CDHR3: variants seen among roughly 807,000 people sequenced by gnomAD.
CDHR3 encodes cadherin related family member 3, also known as cadherin-related family member 3.
CDHR3 carries 79 observed loss-of-function variants against 86.6 expected under a neutral mutation model. The observed-to-expected ratio is 0.91, with a 90% CI of 0.76 to 1.10. The LOEUF (loss-of-function observed/expected upper bound fraction) is 1.10, where lower values mean the gene tolerates loss of function less well. Among genes scored for constraint, CDHR3 ranks in the 50% least tolerant of loss-of-function variants. The pLI is 0.00. For synonymous variants in CDHR3, 421 were observed against 402.4 expected, an observed-to-expected ratio of 1.05 and a Z score of -0.55; for missense variants, 1,081 against 1,077.6, an observed-to-expected ratio of 1.00 and a Z score of -0.04.
chr7:106,004,712 T>C (rs779185404), intron 8 of CDHR3, 25 bp downstream of exon 8: 2 of 1,612,520 alleles, frequency 1.2e-6, no homozygotes, highest in South Asian at 2.2e-5. Flanking sequence ...AAAGTTGGGC[T>C]GGACATTCTA....
At position 106,032,667 on chromosome 7, in the gene CDHR3, G is replaced by T. The variant is rs762281447; in HGVS notation, c.2628G>T (p.Arg876Ser). The T allele has an allele frequency of 6.2e-6, 10 of 1,613,130 alleles. No homozygotes were observed. ...ACAGAAATCCAGCCTTCATGAACAG[G>T]GCTTACCCCAAACCACACCCAGGAA... ...PKNRNPAFMN[R>S]AYPKPHPGK Residue 876 changes from arginine (R) to serine (S), a missense_variant, in exon 19 of 19, where the codon AGG becomes AGT. Coordinates refer to ENST00000317716, the MANE Select transcript of CDHR3 (RefSeq NM_152750.5).
rs781771918 is a variant in CDHR3, at chr7:106,034,730, G to A, written c.*2033G>A. Reference sequence around the variant, plus strand: ...CTCTCAGCTTCAATGCAAGTAAAATGAGGTTCTGAGAAGGCTGAAGGGGGA... The same window carrying A: ...CTCTCAGCTTCAATGCAAGTAAAATAAGGTTCTGAGAAGGCTGAAGGGGGA... On this transcript the variant is annotated 3_prime_UTR_variant, in exon 19 of 19. Coordinates refer to ENST00000317716, the MANE Select transcript of CDHR3 (RefSeq NM_152750.5). Among the ~76,000 whole-genome samples the A allele has an allele frequency of 2.9e-4, 44 of 152,202 alleles. No individual in the cohort carries two copies. The highest frequency in any genetic ancestry group is 1.2e-4 in the Non-Finnish European group (8 of 68,024).
At chr7:105,968,484 C>T (rs1330847224) in intron 1 of CDHR3, among the ~76,000 whole-genome samples, 1 of 152,034 alleles carries the variant, frequency 6.6e-6, no homozygotes, top group East Asian at 1.9e-4. Context: ...CCTCAGCCTC[C>T]CAAGTAGCTG....
chr7:105,988,031 C>T (rs1830779354), intron 4 of CDHR3, among the ~76,000 whole-genome samples: 1 of 152,144 alleles, frequency 6.6e-6, no homozygotes, highest in Non-Finnish European at 1.5e-5. Context: ...GCTGGGACTA[C>T]AGGTGCCCGC....
intron 2 of CDHR3, among the ~76,000 whole-genome samples, chr7:105,977,474 G>A (rs995466915): frequency 3.9e-5 from 6 of 152,182 alleles, no homozygotes; most frequent in African/African-American, 1.4e-4. Flanking sequence ...CAAGTGTTTG[G>A]TGTATTGTCC....
At chr7:106,027,564 G>C in intron 16 of CDHR3, 1 of 390,548 alleles carries the variant, frequency 2.6e-6, no homozygotes, top group Non-Finnish European at 5.1e-6. Flanking sequence ...AGGTCCATCT[G>C]AGCAGCTCCA....
At chr7:105,980,407 T>A (rs1282854285) in intron 2 of CDHR3, among the ~76,000 whole-genome samples, 1 of 141,828 alleles carries the variant, frequency 7.1e-6, no homozygotes, top group Non-Finnish European at 1.6e-5. Context: ...AAGTTATGGT[T>A]CTATTTTTAT....
intron 1 of CDHR3, among the ~76,000 whole-genome samples, chr7:105,969,864 T>C (rs769151606): frequency 7.2e-5 from 11 of 152,146 alleles, no homozygotes; most frequent in Non-Finnish European, 1.6e-4. Flanking sequence ...GAGTCTTCTT[T>C]AGCAAAGGAA....
intron 8 of CDHR3, among the ~76,000 whole-genome samples, chr7:106,006,658 G>A (rs997371024): frequency 6.6e-6 from 1 of 152,330 alleles, no homozygotes; most frequent in Admixed American, 6.5e-5. Flanking sequence ...GCAAGAGGTG[G>A]GTTCCCATGA....
In CDHR3 at chr7:105,981,077, C is replaced by A; in HGVS notation, c.359C>A (p.Thr120Asn). 1 of 1,613,686 alleles carries A rather than the reference C, an allele frequency of 6.2e-7. No individual in the cohort carries two copies. The highest frequency in any genetic ancestry group is 8.5e-7 in the Non-Finnish European group (1 of 1,179,760). The stretch of plus-strand genomic sequence containing the variant: ...GGTGTCACAGACCTGCAAGTCCTGA[C>A]TGTCCAGGTAACAGATGTGAACGAG... ...EVGVTDLQVL[T>N]VQVTDVNEPP... Residue 120 changes from threonine to asparagine, a missense_variant, in exon 3 of 19, where the codon ACT (threonine) becomes AAT (asparagine). By Grantham distance (65) the Thr-to-Asn change is moderately conservative. Coordinates refer to ENST00000317716, the MANE Select transcript of CDHR3 (RefSeq NM_152750.5).
chr7:106,026,792 C>G, intron 16 of CDHR3, 97 bp downstream of exon 16: 1 of 1,276,066 alleles, frequency 7.8e-7, no homozygotes, highest in East Asian at 2.3e-5. Flanking sequence ...AGGCCGCGAT[C>G]ACATCTTGGA....
intron 4 of CDHR3, among the ~76,000 whole-genome samples, chr7:105,988,345 T>G (rs1830830824): frequency 6.6e-6 from 1 of 152,328 alleles, no homozygotes; most frequent in South Asian, 2.1e-4. Context: ...ACCATGTACT[T>G]CAAGAACCAC....
chr7:106,016,132 G>C (rs572478153), intron 11 of CDHR3, 107 bp downstream of exon 11: 1 of 678,294 alleles, frequency 1.5e-6, no homozygotes, highest in South Asian at 1.7e-5. Flanking sequence ...ATGCTGTTTT[G>C]CACAGTGATT....
chr7:106,015,057 C>T, intron 9 of CDHR3, 54 bp from the exon 10 acceptor site: 1 of 1,404,446 alleles, frequency 7.1e-7, no homozygotes, highest in Non-Finnish European at 9.8e-7. Flanking sequence ...CTCTCGCAGC[C>T]CAATAAATAG....
In CDHR3 at chr7:106,013,012, C is replaced by T. The variant is rs1486612271; in HGVS notation, c.1205C>T (p.Ala402Val). 6.2e-7 allele frequency: 1 copy of T among 1,607,208 alleles called. No homozygotes were observed. Residue 402 changes from alanine to valine, a missense_variant, in exon 9 of 19, where the codon GCT becomes GTT. Physicochemically the swap from Ala to Val is moderately conservative, Grantham distance 64. Coordinates refer to ENST00000317716, the MANE Select transcript of CDHR3 (RefSeq NM_152750.5). ...GSGSRFLQDP[A>V]GSGKIVLIGD... ...GGCAGCAGATTTTTACAGGATCCAGCTGGCTCTGGGAAGATTGTGGTCAGT... is the reference window on the plus strand; with the variant it reads ...GGCAGCAGATTTTTACAGGATCCAGTTGGCTCTGGGAAGATTGTGGTCAGT...
At chr7:106,019,867 C>A (rs1383776052) in intron 12 of CDHR3, among the ~76,000 whole-genome samples, 1 of 152,180 alleles carries the variant, frequency 6.6e-6, no homozygotes, top group Non-Finnish European at 1.5e-5. Context: ...GAAGTGGGCC[C>A]AAGAAAGCAG....
At position 106,004,652 on chromosome 7, in the gene CDHR3, C is replaced by G. The variant is rs761353969; in HGVS notation, c.1017C>G (p.Asn339Lys). The G allele has an allele frequency of 1.9e-6, 3 of 1,614,000 alleles. No homozygotes were observed. ...TAACCTTCATTGTGGAAGACGTCAA[C>G]GACAATCCTGCCACATGCCAAAAGT... ...IQITFIVEDVNDNPATCQKFT... is the reference protein window; with the variant it reads ...IQITFIVEDVKDNPATCQKFT... Residue 339 changes from asparagine to lysine, a missense_variant, in exon 8 of 19, where the codon AAC becomes AAG. Asn to Lys is a moderately conservative substitution (Grantham distance 94). Coordinates refer to ENST00000317716, the MANE Select transcript of CDHR3 (RefSeq NM_152750.5).
chr7:106,020,436 C>T lies in CDHR3; in HGVS notation c.1717C>T (p.Leu573=). 1 of 1,613,984 alleles carries T rather than the reference C, an allele frequency of 6.2e-7. No homozygotes were observed. Among genetic ancestry groups the T allele is most frequent in the East Asian group, 2.2e-5 (1 of 44,880 alleles). ...KPICTPNSYF[L]ALPVDLKVGT... ...AATTTGTACTCCAAACTCTTATTTC[C>T]TGGCCCTCCCAGTGGATCTGAAAGT... Residue 573 remains leucine (L), a synonymous_variant, in exon 13 of 19, where the codon CTG becomes TTG. Coordinates refer to ENST00000317716, the MANE Select transcript of CDHR3 (RefSeq NM_152750.5).
chr7:106,022,433 C>T lies in CDHR3; in HGVS notation c.2061C>T (p.Ile687=). 6.2e-7 allele frequency: 1 copy of T among 1,613,830 alleles called. No individual in the cohort carries two copies. Among genetic ancestry groups the T allele is most frequent in the Non-Finnish European group, 8.5e-7 (1 of 1,179,748 alleles). ...TCATTCCCCACCCAACCACTATCAT[C>T]ACCACGACCCCCAGGGTAAGGGCTT... ...IKVIPHPTTI[I]TTTPRPRVTY... The change falls in exon 14 of 19, where the codon ATC becomes ATT. Residue 687 remains isoleucine, a synonymous_variant. Coordinates refer to ENST00000317716, the MANE Select transcript of CDHR3 (RefSeq NM_152750.5).
Sources: gnomAD v4.1 joint callset for allele counts (sites outside exome capture counted in the v4.1 genomes callset) on GRCh38, gnomAD v4.1.1 for gene constraint, MANE v1.5 for transcripts, NCBI Gene and HGNC (gene_info 2026-07-23, HGNC 2026-07-21) for gene names.